ARHGAP6: variants seen among roughly 807,000 people sequenced by gnomAD.
ARHGAP6 encodes the protein rho GTPase-activating protein 6.
ARHGAP6 carries 16 observed loss-of-function variants against 55.7 expected under a neutral mutation model. The ratio of observed to expected loss-of-function variants is 0.29; its 90% confidence interval spans 0.19 to 0.44. The LOEUF is 0.44. ARHGAP6 is among the 20% of genes least tolerant of loss of function. The pLI is 1.00. For missense variants in ARHGAP6, 698 were observed against 808.9 expected (o/e 0.86, Z 1.66); for synonymous variants, 382 against 360.9 (o/e 1.06, Z -0.66).
chrX:11,282,607 A>G (rs777548053), intron 1 of ARHGAP6, among the ~76,000 whole-genome samples: 1 of 112,255 alleles, frequency 8.9e-6, no homozygotes, highest in East Asian at 2.8e-4. Flanking sequence ...GTTGTGTTCA[A>G]TGGATCTCAA....
At position 11,137,739 on chromosome X, in the gene ARHGAP6, A is replaced by C. The variant is rs1490383721; in HGVS notation, c.*1124T>G. 1 of 112,565 alleles carries C rather than the reference A, an allele frequency of 8.9e-6. No homozygotes were observed. The highest frequency in any genetic ancestry group is 1.9e-5 in the Non-Finnish European group (1 of 53,283). 9.3% of individuals were successfully genotyped at this position (112,565 alleles called of 1,213,427 possible). A position where few individuals can be genotyped will look rare whatever the true frequency, so the allele number is the denominator to read the frequency against. ...GAAGCGTATCGCCATCTGCTGGTCA[A>C]AAATAGTTATGCACTTGAAAAACTT... On this transcript the variant is annotated 3_prime_UTR_variant, in exon 13 of 13. Coordinates refer to ENST00000337414, the MANE Select transcript of ARHGAP6 (RefSeq NM_013427.3).
At chrX:11,436,082 A>G (rs899119628) in intron 1 of ARHGAP6, among the ~76,000 whole-genome samples, 10 of 112,676 alleles carry the variant, frequency 8.9e-5, no homozygotes, top group Admixed American at 6.6e-4. Context: ...TACACAAATC[A>G]TTAGTCCTCT....
chrX:11,664,447 G>T lies in ARHGAP6; in HGVS notation c.382C>A (p.Arg128Ser), dbSNP rs745545517. The change falls in exon 1 of 13, where the codon CGC becomes AGC. Residue 128 changes from arginine to serine, a missense_variant. Around this residue, in one of 3 missense-constraint regions of ARHGAP6, gnomAD observed 164 missense variants for 149.2 expected, o/e 1.10. Transcript: ENST00000337414. The part of the protein sequence containing the change: ...FHFDYEVPLG[R>S]GGLKKSMAWD... ...GCCATGCTCTTCTTGAGGCCGCCGC[G>T]ACCCAGGGGAACCTCATAGTCAAAG... The T allele has an allele frequency of 8.3e-7, 1 of 1,211,505 alleles. No individual in the cohort carries two copies. Among genetic ancestry groups the T allele is most frequent in the Admixed American group, 2.2e-5 (1 of 46,099 alleles).
intron 1 of ARHGAP6, chrX:11,266,098 T>TGA (rs768420445): frequency 3.2e-4 from 65 of 205,987 alleles, no homozygotes; most frequent in Admixed American, 2.7e-3. Flanking sequence ...AGAGAGAGGG[T>TGA]GAGAGAGAGA....
Position 11,189,256 on chromosome X carries a change from A to T in ARHGAP6, c.821-272T>A, listed in dbSNP as rs1003965681. Among the ~76,000 whole-genome samples, 5 of 111,851 alleles carry T rather than the reference A, an allele frequency of 4.5e-5. No homozygotes were observed. In the East Asian group the frequency reaches 1.4e-3, roughly 31 times the overall value. On this transcript the variant is annotated intron_variant, in intron 3 of 12. Transcript: ENST00000337414. Reference sequence around the variant, plus strand: ...AAGTCTATCCATTCATTCAACAGGCATTTATTGAATGCCTACTACATGCCA... The same window carrying T: ...AAGTCTATCCATTCATTCAACAGGCTTTTATTGAATGCCTACTACATGCCA...
intron 1 of ARHGAP6, among the ~76,000 whole-genome samples, chrX:11,266,596 G>C (rs2047630501): frequency 9.0e-6 from 1 of 110,719 alleles, no homozygotes; most frequent in Admixed American, 9.7e-5. Flanking sequence ...TTCAGGTTGG[G>C]GTGGGGGTTG....
intron 1 of ARHGAP6, among the ~76,000 whole-genome samples, chrX:11,535,689 C>A (rs760157616): frequency 1.8e-5 from 2 of 111,370 alleles, no homozygotes; most frequent in Non-Finnish European, 3.8e-5. Flanking sequence ...AAGCAGACAC[C>A]GATTCTGGGG....
At chrX:11,630,940 G>A (rs1199060519) in intron 1 of ARHGAP6, among the ~76,000 whole-genome samples, 1 of 110,925 alleles carries the variant, frequency 9.0e-6, no homozygotes, top group Non-Finnish European at 1.9e-5. Flanking sequence ...TAGGATTATC[G>A]AGAGGATGGG....
chrX:11,611,753 C>T (rs772985726), intron 1 of ARHGAP6, among the ~76,000 whole-genome samples: 4 of 111,348 alleles, frequency 3.6e-5, no homozygotes, highest in Non-Finnish European at 5.7e-5. Flanking sequence ...TTTCATCCTT[C>T]AAGGCTACTC....
At chrX:11,477,703 A>G (rs994484609) in intron 1 of ARHGAP6, among the ~76,000 whole-genome samples, 1 of 112,123 alleles carries the variant, frequency 8.9e-6, no homozygotes, top group East Asian at 2.8e-4. Flanking sequence ...ACACAAGGAC[A>G]TGCATGAATC....
chrX:11,192,992 T>TG (rs1205777838), intron 3 of ARHGAP6, among the ~76,000 whole-genome samples: 3 of 112,657 alleles, frequency 2.7e-5, no homozygotes, highest in Admixed American at 9.4e-5. Context: ...ATTAAGGACT[T>TG]GGAATTATTC....
chrX:11,480,221 AAATGTGATATACAC>A (rs1443482678), intron 1 of ARHGAP6, among the ~76,000 whole-genome samples: 1 of 112,178 alleles, frequency 8.9e-6, no homozygotes, highest in Non-Finnish European at 1.9e-5. Flanking sequence ...GATGAATGTA[AAATGTGATATACAC>A]AATGGTATGT....
chrX:11,428,885 T>C (rs1354948646), intron 1 of ARHGAP6, among the ~76,000 whole-genome samples: 2 of 112,020 alleles, frequency 1.8e-5, no homozygotes, highest in African/African-American at 6.5e-5. Flanking sequence ...CATTAGATAG[T>C]CCCATGACAG....
At chrX:11,437,189 T>C (rs1419436111) in intron 1 of ARHGAP6, among the ~76,000 whole-genome samples, 1 of 111,884 alleles carries the variant, frequency 8.9e-6, no homozygotes, top group Non-Finnish European at 1.9e-5. Context: ...CCTGGCCATA[T>C]GTAAGCTGAA....
chrX:11,255,060 C>T (rs1215197217), intron 1 of ARHGAP6, among the ~76,000 whole-genome samples: 5 of 111,683 alleles, frequency 4.5e-5, no homozygotes, highest in Admixed American at 9.5e-5. Context: ...TAATTGCCAT[C>T]ACACACATCA....
intron 1 of ARHGAP6, among the ~76,000 whole-genome samples, chrX:11,501,015 A>G (rs924337671): frequency 5.4e-5 from 6 of 112,136 alleles, no homozygotes; most frequent in African/African-American, 1.9e-4. Context: ...TTGGCAAATT[A>G]GTTCTGTAAA....
intron 1 of ARHGAP6, among the ~76,000 whole-genome samples, chrX:11,456,287 C>A (rs747758520): frequency 9.0e-6 from 1 of 111,265 alleles, no homozygotes; most frequent in Non-Finnish European, 1.9e-5. Context: ...TAATTCTTCC[C>A]CATTTTTTAC....
At chrX:11,495,613 C>G (rs368541018) in intron 1 of ARHGAP6, among the ~76,000 whole-genome samples, 1 of 110,938 alleles carries the variant, frequency 9.0e-6, no homozygotes, top group Non-Finnish European at 1.9e-5. Context: ...TGGAACCATG[C>G]TCCAGGTTTA....
At chrX:11,427,023 C>T (rs1332322202) in intron 1 of ARHGAP6, among the ~76,000 whole-genome samples, 3 of 110,214 alleles carry the variant, frequency 2.7e-5, no homozygotes, top group East Asian at 2.9e-4. Context: ...TGATAATGTG[C>T]AACATTCTGT....
Sources: allele counts gnomAD v4.1 joint callset (sites outside exome capture counted in the v4.1 genomes callset), GRCh38; gene constraint gnomAD v4.1.1; regional missense constraint gnomAD v4.1.1; transcripts MANE v1.5; gene names NCBI Gene and HGNC (gene_info 2026-07-23, HGNC 2026-07-21).